ATG3: variants seen among roughly 807,000 people sequenced by gnomAD.
ATG3 encodes the protein autophagy related 3.
Under a neutral mutation model 50.7 loss-of-function variants are expected in ATG3, and 25 were observed. That is an observed-to-expected ratio of 0.49 (90% confidence interval 0.36 to 0.69). ATG3 has a LOEUF of 0.69. Ranked by LOEUF, ATG3 falls within the 30% of genes least tolerant of loss-of-function variation. ATG3 has a pLI of 0.00. For missense variants in ATG3, 281 were observed against 376.0 expected, an observed-to-expected ratio of 0.75 and a Z score of 2.09; for synonymous variants, 119 against 125.5, an observed-to-expected ratio of 0.95 and a Z score of 0.34.
rs933763491 is a variant in ATG3 at position 112,534,054 on chromosome 3, A to G, written c.863+215T>C. Reference sequence around the variant, plus strand: ...GTTACCTCTGTAACAAGGGTGAGCTACTGCTACACATGGGGACATGTTCTA... The same window carrying G: ...GTTACCTCTGTAACAAGGGTGAGCTGCTGCTACACATGGGGACATGTTCTA... On this transcript the variant is annotated intron_variant, in intron 11 of 11. Coordinates refer to ENST00000283290, the MANE Select transcript of ATG3 (RefSeq NM_022488.5). 12 of 1,260,334 alleles carry G rather than the reference A, an allele frequency of 9.5e-6. No homozygotes were observed. In the African/African-American group the frequency reaches 1.8e-4, roughly 19 times the overall value. The allele number at this position is 1,260,334 out of a possible 1,614,324, so 78.1% of individuals were successfully genotyped here. A position where few individuals can be genotyped will look rare whatever the true frequency, so the allele number is the denominator to read the frequency against.
intron 3 of ATG3, among the ~76,000 whole-genome samples, chr3:112,552,414 T>G (rs1275981263): frequency 6.6e-6 from 1 of 151,870 alleles, no homozygotes; most frequent in Non-Finnish European, 1.5e-5. Context: ...TGAAAAAAAA[T>G]AAAAACTTAA....
At chr3:112,556,303 C>A (rs1441050381) in intron 2 of ATG3, among the ~76,000 whole-genome samples, 1 of 151,566 alleles carries the variant, frequency 6.6e-6, no homozygotes, top group African/African-American at 2.4e-5. Context: ...TCTGCCTGGC[C>A]GCCCCTACTG....
chr3:112,536,920 CAAAAAAAAAAAAAAAAAAAAAAAA>C lies in ATG3; in HGVS notation c.667-342_667-319del, dbSNP rs56353465. Among the ~76,000 whole-genome samples, 155 of 68,422 alleles carry C rather than the reference CAAAAAAAAAAAAAAAAAAAAAAAA, an allele frequency of 2.3e-3. 1 individual carries two copies. The highest frequency in any genetic ancestry group is 9.3e-3 in the African/African-American group (148 of 15,932). 44.9% of individuals were successfully genotyped at this position (68,422 alleles called of 152,430 possible). On this transcript the variant is annotated intron_variant, in intron 9 of 11. Transcript: ENST00000283290. ...TGGGCGACAGAGCGAGACTCCATCT[CAAAAAAAAAAAAAAAAAAAAAAAA>C]AAAAAAAAAAAAAAAAAAGAAATTA... is the stretch of plus-strand genomic sequence containing the variant.
rs1252622408 is a variant in ATG3, at chr3:112,561,769, C to T, written c.-241G>A. ...CCCAGGCAGCCCGCGACGGACCGGA[C>T]CCAGCTGTCACCCAGCCGCGAGGGA... On this transcript the variant is annotated 5_prime_UTR_variant, in exon 1 of 12. Coordinates refer to ENST00000283290, the MANE Select transcript of ATG3 (RefSeq NM_022488.5). 1 of 510,040 alleles carries T rather than the reference C, an allele frequency of 2.0e-6. No individual in the cohort carries two copies. Among genetic ancestry groups the T allele is most frequent in the African/African-American group, 2.1e-5 (1 of 48,354 alleles). 31.6% of individuals were successfully genotyped at this position (510,040 alleles called of 1,614,324 possible).
intron 1 of ATG3, among the ~76,000 whole-genome samples, chr3:112,558,664 G>T (rs1933752893): frequency 6.6e-6 from 1 of 151,884 alleles, no homozygotes; most frequent in African/African-American, 2.4e-5. Context: ...TCTAATGTAG[G>T]AAACAGACAT....
At chr3:112,547,401 A>C (rs1364612418) in intron 5 of ATG3, among the ~76,000 whole-genome samples, 2 of 152,188 alleles carry the variant, frequency 1.3e-5, no homozygotes, top group African/African-American at 4.8e-5. Flanking sequence ...AACAGTGCCA[A>C]GGTTGAGAAA....
At chr3:112,541,520 G>T (rs953292645) in intron 7 of ATG3, among the ~76,000 whole-genome samples, 1 of 152,112 alleles carries the variant, frequency 6.6e-6, no homozygotes, top group Non-Finnish European at 1.5e-5. Flanking sequence ...ATTCAGTTAG[G>T]AATTAATATC....
At chr3:112,544,297 C>T (rs553583732) in intron 5 of ATG3, among the ~76,000 whole-genome samples, 191 bp from the exon 6 acceptor site, 1 of 152,106 alleles carries the variant, frequency 6.6e-6, no homozygotes, top group African/African-American at 2.4e-5. Context: ...TTTTGAAAAA[C>T]TCATTAATAT....
At chr3:112,543,914 C>T (rs1933298935) in intron 6 of ATG3, 143 bp downstream of exon 6, 1 of 536,484 alleles carries the variant, frequency 1.9e-6, no homozygotes, top group Admixed American at 3.5e-5. Context: ...GGGAAGAAAA[C>T]AGCTGGAATT....
Position 112,561,437 on chromosome 3 carries a change from G to A in ATG3, c.72+20C>T. The A allele has an allele frequency of 1.2e-6, 2 of 1,611,710 alleles. No homozygotes were observed. Among genetic ancestry groups the A allele is most frequent in the Non-Finnish European group, 1.7e-6 (2 of 1,178,962 alleles). ...TCGAGCATGTGCCTGACAGCTCCCG[G>A]CAACCCTGGCCTGGCTTACCTTGAG... On this transcript the variant is annotated intron_variant, in intron 1 of 11. Transcript: ENST00000283290.
intron 4 of ATG3, among the ~76,000 whole-genome samples, chr3:112,549,803 A>C (rs796282873): frequency 0.018 from 2,446 of 132,884 alleles, 64 homozygotes; most frequent in African/African-American, 0.084. Flanking sequence ...ACAACCAAAA[A>C]AAAAAAAAAA....
chr3:112,536,120 C>A, intron 10 of ATG3: 1 of 191,226 alleles, frequency 5.2e-6, no homozygotes, highest in South Asian at 7.4e-5. Context: ...GAAAGGCAGT[C>A]ACAACACAGC....
At chr3:112,541,727 T>G in intron 7 of ATG3, 76 bp downstream of exon 7, 2 of 1,292,000 alleles carry the variant, frequency 1.5e-6, no homozygotes, top group East Asian at 4.7e-5. Flanking sequence ...CAATGAAGAA[T>G]TCTTAATCCA....
In ATG3 at chr3:112,536,583, A is replaced by C. The variant is rs751737692; in HGVS notation, c.686T>G (p.Val229Gly). The change falls in exon 10 of 12, where the codon GTT (valine) becomes GGT (glycine). Residue 229 changes from valine to glycine, a missense_variant. By Grantham distance (109) the Val-to-Gly change is moderately radical (BLOSUM62 -3). Transcript: ENST00000283290. ...ACTGATGTCTTCATACATGTGCTCA[A>C]CTGTTAAAGGCTGCCGTTGCTGAAA... ...GYDEQRQPLT[V>G]EHMYEDISQD... 1 of 1,614,120 alleles carries C rather than the reference A, an allele frequency of 6.2e-7. No homozygotes were observed. Among genetic ancestry groups the C allele is most frequent in the Non-Finnish European group, 8.5e-7 (1 of 1,180,012 alleles).
At chr3:112,535,340 A>G (rs1396001948) in intron 10 of ATG3, 1 of 152,112 alleles carries the variant, frequency 6.6e-6, no homozygotes, top group African/African-American at 2.4e-5. Flanking sequence ...AGGCACTCAG[A>G]TTTTTTGAAA....
chr3:112,554,683 A>G (rs1249830350), intron 2 of ATG3, among the ~76,000 whole-genome samples: 1 of 152,220 alleles, frequency 6.6e-6, no homozygotes, highest in African/African-American at 2.4e-5. Context: ...AAAATCTTGT[A>G]TTGTTCATGG....
At chr3:112,550,774 A>C (rs1933506358) in intron 3 of ATG3, among the ~76,000 whole-genome samples, 1 of 152,262 alleles carries the variant, frequency 6.6e-6, no homozygotes, top group East Asian at 1.9e-4. Context: ...AGATGCTCTG[A>C]ATCATAAAAT....
At chr3:112,558,564 T>C in intron 1 of ATG3, 147 bp from the exon 2 acceptor site, 3 of 644,566 alleles carry the variant, frequency 4.7e-6, no homozygotes, top group African/African-American at 3.7e-5. Context: ...CTATAATCTA[T>C]CTAATCTACC....
At chr3:112,543,203 C>A (rs1372650929) in intron 6 of ATG3, among the ~76,000 whole-genome samples, 1 of 151,928 alleles carries the variant, frequency 6.6e-6, no homozygotes, top group Non-Finnish European at 1.5e-5. Context: ...CACAATTATT[C>A]CATTCAAATA....
Sources: allele counts gnomAD v4.1 joint callset (sites outside exome capture counted in the v4.1 genomes callset), GRCh38; gene constraint gnomAD v4.1.1; transcripts MANE v1.5; gene names NCBI Gene and HGNC (gene_info 2026-07-23, HGNC 2026-07-21).